RYR2: variants seen among roughly 807,000 people sequenced by gnomAD.
RYR2 encodes ryanodine receptor 2, also known as cardiac muscle ryanodine receptor-calcium release channel.
Under a neutral mutation model 601.1 loss-of-function variants are expected in RYR2, and 227 were observed. The observed-to-expected ratio is 0.38, with a 90% confidence interval of 0.34 to 0.42. The LOEUF is 0.42. RYR2 is among the 10% of genes least tolerant of loss of function. RYR2 has a pLI of 1.00. For missense variants in RYR2, 4,646 were observed against 6,156.5 expected (o/e 0.75, Z 8.21); for synonymous variants, 2,223 against 2,175.1 (o/e 1.02, Z -0.61).
chr1:237,073,645 C>T lies in RYR2; in HGVS notation c.48+31076C>T, dbSNP rs113991927. Among the ~76,000 whole-genome samples the T allele has an allele frequency of 8.6e-3, 1,305 of 152,058 alleles. 24 individuals are homozygous for T. The highest frequency in any genetic ancestry group is 0.03 in the African/African-American group (1,242 of 41,484). On this transcript the variant is annotated intron_variant, in intron 1 of 104. Transcript: ENST00000366574. ...CCACACTTTGGGAGGCTGAAGTGGG[C>T]GGACACCTGAGGTCAGGAGTTCGAG...
intron 11 of RYR2, among the ~76,000 whole-genome samples, chr1:237,421,459 G>A (rs1705564512): frequency 1.3e-5 from 2 of 152,080 alleles, no homozygotes; most frequent in South Asian, 4.2e-4. Context: ...AACTTAATTG[G>A]GGGGCTTCCC....
intron 2 of RYR2, among the ~76,000 whole-genome samples, chr1:237,297,631 T>C (rs958314378): frequency 6.6e-6 from 1 of 152,080 alleles, no homozygotes; most frequent in Non-Finnish European, 1.5e-5. Flanking sequence ...TCTCAGTTTC[T>C]AAAAAGTACT....
intron 1 of RYR2, among the ~76,000 whole-genome samples, chr1:237,060,030 G>T (rs967636980): frequency 1.3e-5 from 2 of 152,098 alleles, no homozygotes; most frequent in African/African-American, 4.8e-5. Context: ...AGAATCTGAT[G>T]GCCAACCAGG....
chr1:237,095,593 C>G (rs971265529), intron 1 of RYR2, among the ~76,000 whole-genome samples: 1 of 152,204 alleles, frequency 6.6e-6, no homozygotes, highest in Non-Finnish European at 1.5e-5. Flanking sequence ...AGAGCATCCC[C>G]CTAGCCTGGT....
intron 63 of RYR2, among the ~76,000 whole-genome samples, chr1:237,689,821 G>C (rs1686777686): frequency 6.6e-6 from 1 of 150,598 alleles, no homozygotes; most frequent in Non-Finnish European, 1.5e-5. Context: ...GTACAGATTT[G>C]CCAAATTATT....
chr1:237,324,335 G>A (rs1315612196), intron 2 of RYR2, among the ~76,000 whole-genome samples: 2 of 152,270 alleles, frequency 1.3e-5, no homozygotes, highest in Non-Finnish European at 1.5e-5. Flanking sequence ...ATCTTTCGGA[G>A]GACATAGAAT....
intron 1 of RYR2, among the ~76,000 whole-genome samples, chr1:237,084,956 G>C (rs1052588075): frequency 2.0e-5 from 3 of 152,162 alleles, no homozygotes; most frequent in African/African-American, 7.2e-5. Flanking sequence ...TCCCCCAAAT[G>C]CTGAATAATG....
intron 12 of RYR2, among the ~76,000 whole-genome samples, chr1:237,435,191 G>A (rs75484013): frequency 0.053 from 8,102 of 152,214 alleles, 294 homozygotes; most frequent in Non-Finnish European, 0.08. Flanking sequence ...GAAAATAAAG[G>A]TAGAGGTGAA....
chr1:237,806,343 G>A, intron 99 of RYR2, 60 bp downstream of exon 99: 1 of 1,507,190 alleles, frequency 6.6e-7, no homozygotes. Context: ...ATAAAACAAA[G>A]AAAAATAAAA....
chr1:237,109,829 A>T (rs1017179787), intron 1 of RYR2, among the ~76,000 whole-genome samples: 6 of 151,908 alleles, frequency 3.9e-5, no homozygotes, highest in African/African-American at 1.5e-4. Flanking sequence ...TACCTCTGTG[A>T]GGGCCTTTTT....
intron 104 of RYR2, 28 bp from the exon 105 acceptor site, chr1:237,832,524 T>C: frequency 6.8e-7 from 1 of 1,466,356 alleles, no homozygotes; most frequent in Admixed American, 1.7e-5. Flanking sequence ...TTGGGGAAAA[T>C]GTTAATACAT....
In RYR2 at chr1:237,423,085, T is replaced by C; in HGVS notation, c.849-7T>C. ...CTATTGGATCAAGTCCTAACTGTTT[T>C]CATTAGGTGGAGTGGAAGCCACATA... On this transcript the variant is annotated splice_region_variant and splice_polypyrimidine_tract_variant and intron_variant, in intron 11 of 104. Transcript: ENST00000366574. 6.2e-7 allele frequency: 1 copy of C among 1,610,490 alleles called. No homozygotes were observed. The highest frequency in any genetic ancestry group is 8.5e-7 in the Non-Finnish European group (1 of 1,178,912).
intron 1 of RYR2, among the ~76,000 whole-genome samples, chr1:237,055,508 G>A (rs907864006): frequency 6.6e-6 from 1 of 152,128 alleles, no homozygotes; most frequent in Non-Finnish European, 1.5e-5. Context: ...TGTGGGAATA[G>A]AAAGGAGCGG....
intron 14 of RYR2, among the ~76,000 whole-genome samples, chr1:237,446,583 C>T (rs1171158446): frequency 6.6e-6 from 1 of 152,000 alleles, no homozygotes; most frequent in Non-Finnish European, 1.5e-5. Flanking sequence ...ACAAATCTCC[C>T]CTACTCAAGA....
chr1:237,827,627 C>CAAAAAAAAAAAAAAA (rs55896893), intron 101 of RYR2, among the ~76,000 whole-genome samples: 1 of 79,446 alleles, frequency 1.3e-5, no homozygotes, highest in Non-Finnish European at 2.5e-5. Flanking sequence ...AAGACTGTCT[C>CAAAAAAAAAAAAAAA]AAAAAAAAAA....
chr1:237,381,183 T>C (rs1701482356), intron 8 of RYR2, among the ~76,000 whole-genome samples: 1 of 138,004 alleles, frequency 7.2e-6, no homozygotes, highest in Admixed American at 8.4e-5. Context: ...AGGCGGAGGT[T>C]GCAATGAGCC....
In RYR2 at chr1:237,187,443, C is replaced by CTTTTTTTTTTTTTTTTTTTT. The variant is rs10686110; in HGVS notation, c.49-83035_49-83034insTTTTTTTTTTTTTTTTTTTT. On this transcript the variant is annotated intron_variant, in intron 1 of 104. Transcript: ENST00000366574. Reference sequence around the variant, plus strand: ...GGCGTGAGCCAACACGCCCGGCCGACTTTTTTTTTTTTTTTTTTTGAGACA... The same window carrying CTTTTTTTTTTTTTTTTTTTT: ...GGCGTGAGCCAACACGCCCGGCCGACTTTTTTTTTTTTTTTTTTTTTTTTTTTTTTTTTTTTTTTGAGACA... Among the ~76,000 whole-genome samples the CTTTTTTTTTTTTTTTTTTTT allele has an allele frequency of 4.6e-5, 4 of 86,762 alleles. 2 individuals are homozygous for CTTTTTTTTTTTTTTTTTTTT. The highest frequency in any genetic ancestry group is 8.4e-5 in the Non-Finnish European group (4 of 47,502). The allele number at this position is 86,762 out of a possible 152,430, so 56.9% of individuals were successfully genotyped here.
chr1:237,127,389 A>G (rs892449501), intron 1 of RYR2, among the ~76,000 whole-genome samples: 2 of 149,540 alleles, frequency 1.3e-5, no homozygotes, highest in African/African-American at 2.5e-5. Context: ...CACCTCCCGG[A>G]CGGGGCGGCT....
chr1:237,436,453 C>CATTTTTTTTTTTTTT (rs1491092540), intron 12 of RYR2, among the ~76,000 whole-genome samples: 11 of 55,822 alleles, frequency 2.0e-4, no homozygotes, highest in Non-Finnish European at 3.1e-4. Context: ...GTGTGATTTT[C>CATTTTTTTTTTTTTT]CTTTTTTTTT....
Sources: gnomAD v4.1 joint callset for allele counts (sites outside exome capture counted in the v4.1 genomes callset) on GRCh38, gnomAD v4.1.1 for gene constraint, MANE v1.5 for transcripts, NCBI Gene and HGNC (gene_info 2026-07-23, HGNC 2026-07-21) for gene names.